The following INPP5A variants were observed in gnomAD, a reference collection of about 807,000 sequenced individuals.
INPP5A encodes the protein inositol polyphosphate-5-phosphatase A.
In INPP5A, 14 loss-of-function variants were observed where a neutral mutation model predicts 65.2. That is an observed-to-expected ratio of 0.21 (90% confidence interval 0.14 to 0.34). INPP5A has a LOEUF of 0.34. Ranked by LOEUF, INPP5A falls within the 10% of genes least tolerant of loss-of-function variation. The pLI is 1.00. For synonymous variants in INPP5A, 207 were observed against 208.3 expected (o/e 0.99, Z 0.05); for missense variants, 431 against 545.6 (o/e 0.79, Z 2.09).
chr10:132,704,558 C>T lies in INPP5A; in HGVS notation c.475-3755C>T, dbSNP rs1252474040. 6.6e-6 allele frequency among the ~76,000 whole-genome samples: 1 copy of T among 152,252 alleles called. No individual in the cohort carries two copies. Among genetic ancestry groups the T allele is most frequent in the East Asian group, 1.9e-4 (1 of 5,192 alleles). The stretch of plus-strand genomic sequence containing the variant: ...GGGCTCTGTCCTCCCCTCCTTGTAC[C>T]CGAGGCCCCACAGCTGGGACTTGAA... On this transcript the variant is annotated intron_variant, in intron 6 of 15. Transcript: ENST00000368594. The surrounding 1 kb of genome is among the most constrained non-coding windows in gnomAD (Gnocchi z 4.5).
intron 11 of INPP5A, among the ~76,000 whole-genome samples, chr10:132,751,010 A>G (rs971844331): frequency 6.6e-6 from 1 of 152,290 alleles, no homozygotes; most frequent in Middle Eastern, 3.4e-3. Context: ...GCTTAGGAAG[A>G]GCTGGGGTCT....
At chr10:132,638,473 G>A (rs542719490) in intron 2 of INPP5A, among the ~76,000 whole-genome samples, 1 of 152,300 alleles carries the variant, frequency 6.6e-6, no homozygotes, top group Admixed American at 6.5e-5. Flanking sequence ...ACCCCAGCGG[G>A]GGCAGTCCCG....
Position 132,659,406 on chromosome 10 carries a change from G to A in INPP5A, c.306+8901G>A, listed in dbSNP as rs567122789. 3.9e-5 allele frequency among the ~76,000 whole-genome samples: 6 copies of A among 152,322 alleles called. No individual in the cohort carries two copies. Among genetic ancestry groups the A allele is most frequent in the African/African-American group, 1.2e-4 (5 of 41,570 alleles). Reference sequence around the variant, plus strand: ...AGGGTTCCCTAGCTCTGGGTGAGGCGGGAGTGGTGGGCAGTGCTGGCCATG... The same window carrying A: ...AGGGTTCCCTAGCTCTGGGTGAGGCAGGAGTGGTGGGCAGTGCTGGCCATG... On this transcript the variant is annotated intron_variant, in intron 4 of 15. Coordinates refer to ENST00000368594, the MANE Select transcript of INPP5A (RefSeq NM_005539.5). The surrounding 1 kb of genome is among the most constrained non-coding windows in gnomAD (Gnocchi z 5.5).
intron 2 of INPP5A, among the ~76,000 whole-genome samples, chr10:132,614,554 C>T (rs1022158674): frequency 2.6e-5 from 4 of 152,228 alleles, no homozygotes; most frequent in African/African-American, 9.6e-5. Context: ...GTCCAGGTTC[C>T]GTCCTCTCTC....
At chr10:132,715,185 A>G (rs1456127953) in intron 8 of INPP5A, among the ~76,000 whole-genome samples, 1 of 152,110 alleles carries the variant, frequency 6.6e-6, no homozygotes, top group Non-Finnish European at 1.5e-5. Flanking sequence ...GCGTCCCGAA[A>G]CCTTCCTGAG....
intron 3 of INPP5A, among the ~76,000 whole-genome samples, chr10:132,647,464 A>G (rs1051504515): frequency 1.3e-5 from 2 of 152,088 alleles, no homozygotes; most frequent in African/African-American, 4.8e-5. Flanking sequence ...TTTTCCTAAC[A>G]CTCAACAAAC....
At chr10:132,628,161 C>G (rs1246056531) in intron 2 of INPP5A, among the ~76,000 whole-genome samples, 2 of 152,236 alleles carry the variant, frequency 1.3e-5, no homozygotes, top group African/African-American at 4.8e-5. Flanking sequence ...ACAGTGTGAT[C>G]CTTGTCTGCC....
intron 2 of INPP5A, among the ~76,000 whole-genome samples, chr10:132,609,193 T>A (rs1278121946): frequency 6.6e-6 from 1 of 152,258 alleles, no homozygotes; most frequent in East Asian, 1.9e-4. Context: ...ATGAGAGACA[T>A]CTTTCCCTTT....
intron 4 of INPP5A, among the ~76,000 whole-genome samples, chr10:132,652,412 A>G (rs148681573): frequency 6.6e-6 from 1 of 152,364 alleles, no homozygotes; most frequent in East Asian, 1.9e-4. Context: ...TACAGATGTC[A>G]TGGCTCAGAT....
chr10:132,775,414 G>T (rs1216795193), intron 12 of INPP5A, among the ~76,000 whole-genome samples: 2 of 152,104 alleles, frequency 1.3e-5, no homozygotes, highest in Non-Finnish European at 2.9e-5. Context: ...CAGCGTCCAG[G>T]CCCCGCGTCC....
At chr10:132,571,310 C>T (rs2071339610) in intron 1 of INPP5A, among the ~76,000 whole-genome samples, 1 of 152,244 alleles carries the variant, frequency 6.6e-6, no homozygotes, top group African/African-American at 2.4e-5. Flanking sequence ...CAAGGACACA[C>T]CCATCCCTCA....
chr10:132,556,240 C>T (rs1190160389), intron 1 of INPP5A, among the ~76,000 whole-genome samples: 2 of 152,178 alleles, frequency 1.3e-5, no homozygotes, highest in Non-Finnish European at 2.9e-5. Context: ...TGAGGTCATG[C>T]AGCATTTTAA....
At position 132,739,179 on chromosome 10, in the gene INPP5A, G is replaced by T. The variant is rs546499110; in HGVS notation, c.733-10338G>T. Among the ~76,000 whole-genome samples the T allele has an allele frequency of 2.6e-4, 39 of 152,346 alleles. No homozygotes were observed. The South Asian group carries it at 7.1e-3, about 28-fold the overall frequency. ...ATTCTCTGTGTTCGGTGCCCACTCT[G>T]GTCCTAAAAAGCTAGGAAATTGGCA... On this transcript the variant is annotated intron_variant, in intron 9 of 15. Transcript: ENST00000368594.
At chr10:132,671,873 T>C (rs2072897210) in intron 4 of INPP5A, among the ~76,000 whole-genome samples, 2 of 152,180 alleles carry the variant, frequency 1.3e-5, no homozygotes, top group African/African-American at 4.8e-5. Context: ...CCTCAGAGCC[T>C]GTACTCTCAA....
intron 1 of INPP5A, among the ~76,000 whole-genome samples, chr10:132,572,150 C>T (rs760573057): frequency 3.3e-5 from 5 of 152,230 alleles, no homozygotes; most frequent in Admixed American, 6.5e-5. Flanking sequence ...AGAGCCTGGC[C>T]GGAAACCCAC....
chr10:132,575,763 G>A lies in INPP5A; in HGVS notation c.76-32152G>A, dbSNP rs991021734. 9.2e-5 allele frequency among the ~76,000 whole-genome samples: 14 copies of A among 152,128 alleles called. No individual in the cohort carries two copies. Among genetic ancestry groups the A allele is most frequent in the African/African-American group, 3.1e-4 (13 of 41,428 alleles). ...TGTGTCCCTCTGGCCGTGGGCTCCC[G>A]CGTGGTGTGTGCGGCCCAGGGCCCT... On this transcript the variant is annotated intron_variant, in intron 1 of 15. Coordinates refer to ENST00000368594, the MANE Select transcript of INPP5A (RefSeq NM_005539.5). The surrounding 1 kb of genome is among the most constrained non-coding windows in gnomAD (Gnocchi z 5.4).
intron 2 of INPP5A, among the ~76,000 whole-genome samples, chr10:132,628,739 T>C (rs1224068485): frequency 6.6e-6 from 1 of 152,174 alleles, no homozygotes; most frequent in African/African-American, 2.4e-5. Flanking sequence ...AAAGAGAACA[T>C]GTAAAATTCC....
At chr10:132,643,438 T>A (rs1297074667) in intron 2 of INPP5A, among the ~76,000 whole-genome samples, 1 of 152,182 alleles carries the variant, frequency 6.6e-6, no homozygotes, top group East Asian at 1.9e-4. Flanking sequence ...AGTTGGAGGC[T>A]GCTGTGAGCT....
intron 12 of INPP5A, among the ~76,000 whole-genome samples, chr10:132,774,840 G>A (rs1470550572): frequency 9.2e-6 from 1 of 108,498 alleles, no homozygotes; most frequent in Middle Eastern, 5.4e-3. Flanking sequence ...GGAGGAGAGA[G>A]GGGTAGGGAG....
Sources: gnomAD v4.1 joint callset for allele counts (sites outside exome capture counted in the v4.1 genomes callset) on GRCh38, gnomAD v4.1.1 for gene constraint, Gnocchi (gnomAD v3.1) non-coding constraint, MANE v1.5 for transcripts, NCBI Gene and HGNC (gene_info 2026-07-23, HGNC 2026-07-21) for gene names.